Variants in SGO2 observed in about 807,000 individuals in gnomAD.
The protein encoded by SGO2 is shugoshin 2.
Under a neutral mutation model 99.5 loss-of-function variants are expected in SGO2, and 68 were observed. The ratio of observed to expected loss-of-function variants is 0.68; its 90% confidence interval spans 0.56 to 0.84. SGO2 has a LOEUF of 0.84. Ranked by LOEUF, SGO2 falls within the 40% of genes least tolerant of loss-of-function variation. The pLI is 0.00. For missense variants in SGO2, 1,350 were observed against 1,436.7 expected (o/e 0.94, Z 0.97); for synonymous variants, 457 against 487.1 (o/e 0.94, Z 0.81).
chr2:200,573,664 G>C lies in SGO2; in HGVS notation c.3318G>C (p.Lys1106Asn), dbSNP rs1559219148. 9.9e-6 allele frequency: 16 copies of C among 1,613,352 alleles called. No individual in the cohort carries two copies. The highest frequency in any genetic ancestry group is 1.2e-5 in the Non-Finnish European group (14 of 1,179,516). Residue 1106 changes from lysine to asparagine, a missense_variant, in exon 7 of 9, where the codon AAG (lysine) becomes AAC (asparagine). By Grantham distance (94) the Lys-to-Asn change is moderately conservative. Transcript: ENST00000357799. ...GAATACTTGACAGCGTTCAGGGAAA[G>C]TCTACTGTATCTGAACAAGCTGATA... ...MERILDSVQG[K>N]STVSEQADKE...
intron 8 of SGO2, among the ~76,000 whole-genome samples, 174 bp downstream of exon 8, chr2:200,575,635 T>A (rs1321912178): frequency 6.6e-6 from 1 of 152,192 alleles, no homozygotes; most frequent in Non-Finnish European, 1.5e-5. Context: ...TTGGACAGGC[T>A]ATTTTTGGGG....
intron 1 of SGO2, among the ~76,000 whole-genome samples, chr2:200,532,183 T>A (rs2031421025): frequency 6.6e-6 from 1 of 151,426 alleles, no homozygotes; most frequent in African/African-American, 2.4e-5. Context: ...TGGATTGACA[T>A]AGTGAGCTGA....
At chr2:200,546,892 C>T (rs1312841785) in intron 5 of SGO2, among the ~76,000 whole-genome samples, 1 of 151,732 alleles carries the variant, frequency 6.6e-6, no homozygotes, top group African/African-American at 2.4e-5. Context: ...CCCAAAAGAC[C>T]AAATCTAAGA....
chr2:200,535,164 A>G lies in SGO2; in HGVS notation c.302A>G (p.Asn101Ser), dbSNP rs746821605. The stretch of plus-strand genomic sequence containing the variant: ...AACACATTTCTTCGCCTAAAGCTAA[A>G]TAACTTGGTATGTAAGCTATATTGT... ...FENTFLRLKLNNLNKKLIDIE... is the reference protein window; with the variant it reads ...FENTFLRLKLSNLNKKLIDIE... The change falls in exon 3 of 9, where the codon AAT becomes AGT. Residue 101 changes from asparagine to serine, a missense_variant. Coordinates refer to ENST00000357799, the MANE Select transcript of SGO2 (RefSeq NM_152524.6). 3.3e-6 allele frequency: 5 copies of G among 1,520,924 alleles called. No individual in the cohort carries two copies. The highest frequency in any genetic ancestry group is 5.3e-5 in the Admixed American group (2 of 38,060). The allele number at this position is 1,520,924 out of a possible 1,614,324, so 94.2% of individuals were successfully genotyped here.
chr2:200,555,380 T>C (rs972090390), intron 5 of SGO2, among the ~76,000 whole-genome samples: 2 of 152,170 alleles, frequency 1.3e-5, no homozygotes, highest in African/African-American at 4.8e-5. Flanking sequence ...ATACACTTTC[T>C]AGGGCCTAAT....
At chr2:200,560,112 G>A (rs1191701506) in intron 5 of SGO2, among the ~76,000 whole-genome samples, 1 of 152,104 alleles carries the variant, frequency 6.6e-6, no homozygotes, top group Non-Finnish European at 1.5e-5. Context: ...TATTCTGTCA[G>A]TTATTGAGAG....
At position 200,571,969 on chromosome 2, in the gene SGO2, C is replaced by T; in HGVS notation, c.1623C>T (p.His541=). Residue 541 remains histidine (H), a synonymous_variant, in exon 7 of 9, where the codon CAC becomes CAT. Coordinates refer to ENST00000357799, the MANE Select transcript of SGO2 (RefSeq NM_152524.6). ...SKASRQTFVI[H]KLEKDNLLPN... ...CTTCTAGACAGACATTTGTGATTCACAAATTAGAAAAAGATAACTTACTCC... is the reference window on the plus strand; with the variant it reads ...CTTCTAGACAGACATTTGTGATTCATAAATTAGAAAAAGATAACTTACTCC... 1.2e-6 allele frequency: 2 copies of T among 1,608,876 alleles called. No individual in the cohort carries two copies. The highest frequency in any genetic ancestry group is 1.7e-6 in the Non-Finnish European group (2 of 1,178,506).
intron 4 of SGO2, among the ~76,000 whole-genome samples, chr2:200,541,085 T>G (rs1014987330): frequency 6.6e-6 from 1 of 152,180 alleles, no homozygotes; most frequent in African/African-American, 2.4e-5. Context: ...TGTAACCCAC[T>G]CCTGCAATAA....
chr2:200,569,918 T>C (rs1013885394), intron 6 of SGO2, 26 bp downstream of exon 6: 2 of 1,434,774 alleles, frequency 1.4e-6, no homozygotes, highest in Non-Finnish European at 2.0e-6. Flanking sequence ...AAATTCATTT[T>C]GAGTATTTGT....
rs779581637 is a variant in SGO2, at chr2:200,533,096, A to T, written c.121A>T (p.Thr41Ser). ...TGTTTCTCTTGCTTCAAAAATAAAA[A>T]CAAAAATACTAAGTAAGTGCCATCA... The part of the protein sequence containing the change: ...LNVSLASKIK[T>S]KILNNSSIFK... Residue 41 changes from threonine to serine, a missense_variant, in exon 2 of 9, where the codon ACA (threonine) becomes TCA (serine). By Grantham distance (58) the Thr-to-Ser change is moderately conservative. Coordinates refer to ENST00000357799, the MANE Select transcript of SGO2 (RefSeq NM_152524.6). 8.9e-6 allele frequency: 14 copies of T among 1,581,240 alleles called. No homozygotes were observed. In the Admixed American group the frequency reaches 2.8e-4, roughly 31 times the overall value.
chr2:200,563,289 G>A (rs1344125632), intron 5 of SGO2, among the ~76,000 whole-genome samples: 1 of 152,154 alleles, frequency 6.6e-6, no homozygotes, highest in Admixed American at 6.5e-5. Context: ...TTTTGTTAAA[G>A]GCCTTTTCTG....
chr2:200,534,889 T>C, intron 2 of SGO2, 107 bp from the exon 3 acceptor site: 1 of 706,812 alleles, frequency 1.4e-6, no homozygotes, highest in South Asian at 2.7e-5. Flanking sequence ...TTTTCTAATC[T>C]TCAGTTAAAA....
intron 1 of SGO2, among the ~76,000 whole-genome samples, chr2:200,531,199 G>A (rs996264023): frequency 6.6e-6 from 1 of 152,218 alleles, no homozygotes. Flanking sequence ...CAGATACACA[G>A]ATACAGGTAT....
chr2:200,569,408 C>T (rs764949427), intron 5 of SGO2, among the ~76,000 whole-genome samples: 8 of 152,006 alleles, frequency 5.3e-5, no homozygotes, highest in African/African-American at 2.4e-5. Flanking sequence ...TCTAATAGCA[C>T]AAGAAGTAAA....
intron 8 of SGO2, among the ~76,000 whole-genome samples, chr2:200,577,278 T>A (rs1233746889): frequency 6.6e-6 from 1 of 152,178 alleles, no homozygotes; most frequent in Non-Finnish European, 1.5e-5. Flanking sequence ...CCCTGATAAC[T>A]AATGATGTTG....
chr2:200,573,376 A>G lies in SGO2; in HGVS notation c.3030A>G (p.Thr1010=). ...AGAACAAACTTGCTTCACAGTTAAC[A>G]GAATCTTCACAGACATCTATCTCCT... is the stretch of plus-strand genomic sequence containing the variant. ...KAKNKLASQL[T]ESSQTSISLE... Residue 1010 remains threonine (T), a synonymous_variant, in exon 7 of 9, where the codon ACA becomes ACG. Transcript: ENST00000357799. The G allele has an allele frequency of 6.2e-7, 1 of 1,602,414 alleles. No homozygotes were observed. Among genetic ancestry groups the G allele is most frequent in the East Asian group, 2.2e-5 (1 of 44,786 alleles).
intron 5 of SGO2, among the ~76,000 whole-genome samples, chr2:200,565,271 G>A (rs1457987484): frequency 3.9e-5 from 6 of 152,148 alleles, no homozygotes; most frequent in East Asian, 1.9e-4. Flanking sequence ...TGACAAAATC[G>A]CTCAGTATTT....
At chr2:200,566,693 C>T (rs1332649397) in intron 5 of SGO2, among the ~76,000 whole-genome samples, 1 of 152,200 alleles carries the variant, frequency 6.6e-6, no homozygotes, top group Non-Finnish European at 1.5e-5. Flanking sequence ...GCAGTCAGGC[C>T]TCCTTGAGCC....
intron 1 of SGO2, among the ~76,000 whole-genome samples, chr2:200,528,009 G>C (rs992529448): frequency 3.3e-5 from 5 of 152,198 alleles, no homozygotes; most frequent in Admixed American, 2.6e-4. Context: ...GATACAAAGG[G>C]AAGAAGGAAT....
Sources: gnomAD v4.1 joint callset for allele counts (sites outside exome capture counted in the v4.1 genomes callset) on GRCh38, gnomAD v4.1.1 for gene constraint, MANE v1.5 for transcripts, NCBI Gene and HGNC (gene_info 2026-07-23, HGNC 2026-07-21) for gene names.